Variants in BRCA1 observed in about 807,000 individuals in gnomAD.
BRCA1 encodes the protein BRCA1 DNA repair associated.
BRCA1 carries 140 observed loss-of-function variants against 173.7 expected under a neutral mutation model. That is an observed-to-expected ratio of 0.81 (90% CI 0.70 to 0.93). BRCA1 has a LOEUF of 0.93. BRCA1 is among the 40% of genes least tolerant of loss of function. The pLI is 0.00. For synonymous variants in BRCA1, 662 were observed against 756.0 expected (o/e 0.88, Z 2.04); for missense variants, 1,983 against 2,172.5 (o/e 0.91, Z 1.73).
chr17:43,126,937 C>T (rs1247750449), upstream of BRCA1, among the ~76,000 whole-genome samples: 1 of 152,184 alleles, frequency 6.6e-6, no homozygotes, highest in African/African-American at 2.4e-5. Context: ...ACCCCCGGCC[C>T]CGGGCAGTCA....
intron 22 of BRCA1, among the ~76,000 whole-genome samples, 155 bp downstream of exon 22, chr17:43,047,484 CAAAT>C (rs368080376): frequency 7.0e-4 from 106 of 152,270 alleles, no homozygotes; most frequent in African/African-American, 2.5e-3. Context: ...CAATATAAAA[CAAAT>C]AACAATAAAA....
At chr17:43,119,277 A>G (rs1597916495) in intron 2 of BRCA1, 1 of 51,464 alleles carries the variant, frequency 1.9e-5, no homozygotes, top group South Asian at 9.5e-4. Context: ...TCAAAAAAAG[A>G]AAAAAAAAAA....
At chr17:43,150,243 G>T (rs2056152240) in intron 1 of BRCA1, among the ~76,000 whole-genome samples, 1 of 152,070 alleles carries the variant, frequency 6.6e-6, no homozygotes, top group South Asian at 2.1e-4. Flanking sequence ...CTGAGTAGCT[G>T]GGACTACGGG....
chr17:43,061,432 G>A (rs2051746706), intron 18 of BRCA1, among the ~76,000 whole-genome samples: 1 of 151,982 alleles, frequency 6.6e-6, no homozygotes, highest in African/African-American at 2.4e-5. Flanking sequence ...TCCTACCAGG[G>A]ACTTAGTTAG....
At chr17:43,113,915 A>G (rs575740869) in intron 3 of BRCA1, among the ~76,000 whole-genome samples, 4 of 152,260 alleles carry the variant, frequency 2.6e-5, no homozygotes, top group Admixed American at 6.5e-5. Context: ...TCTCGACTAA[A>G]AATACAAAAA....
intron 1 of BRCA1, among the ~76,000 whole-genome samples, chr17:43,158,553 T>C (rs2056212400): frequency 6.6e-6 from 1 of 152,198 alleles, no homozygotes; most frequent in Non-Finnish European, 1.5e-5. Context: ...CCCTTTTTTA[T>C]TGTGGGTAAG....
At chr17:43,139,925 G>A in intron 1 of BRCA1, 1 of 488,890 alleles carries the variant, frequency 2.0e-6, no homozygotes, top group Non-Finnish European at 4.2e-6. Flanking sequence ...CCTTCACCTT[G>A]GTTCCTGACA....
rs1411246255 is a variant in BRCA1, at chr17:43,051,064, T to A, written c.5331A>T (p.Thr1777=). 1 of 1,613,906 alleles carries A rather than the reference T, an allele frequency of 6.2e-7. No individual in the cohort carries two copies. Among genetic ancestry groups the A allele is most frequent in the Non-Finnish European group, 8.5e-7 (1 of 1,179,818 alleles). The stretch of plus-strand genomic sequence containing the variant: ...TCTGGGGTTCTCCCAGGCTCTTACC[T>A]GTGGGCATGTTGGTGAAGGGCCCAT... ...CCYGPFTNMP[T]DQLEWMVQLC... The change falls in exon 20 of 23, where the codon ACA becomes ACT. Residue 1777 remains threonine (T), a splice_region_variant and synonymous_variant. Coordinates refer to ENST00000357654, the MANE Select transcript of BRCA1 (RefSeq NM_007294.4).
chr17:43,140,851 C>G (rs1354651767), intron 1 of BRCA1, among the ~76,000 whole-genome samples: 1 of 152,226 alleles, frequency 6.6e-6, no homozygotes, highest in Non-Finnish European at 1.5e-5. Context: ...GCCTGACCTT[C>G]CCTCCTCTGA....
At position 43,073,743 on chromosome 17, in the gene BRCA1, T is replaced by C. The variant is rs1199988269; in HGVS notation, c.4675+588A>G. Among the ~76,000 whole-genome samples, 9 of 151,682 alleles carry C rather than the reference T, an allele frequency of 5.9e-5. No homozygotes were observed. The East Asian group carries it at 1.7e-3, about 29-fold the overall frequency. ...TGTCTAACAGTTGAAATAAAATATA[T>C]GTGTGTATATATATATATATATATT... On this transcript the variant is annotated intron_variant, in intron 14 of 22. Coordinates refer to ENST00000357654, the MANE Select transcript of BRCA1 (RefSeq NM_007294.4).
At chr17:43,049,986 G>A in intron 20 of BRCA1, 4 of 398,328 alleles carry the variant, frequency 1.0e-5, no homozygotes, top group Non-Finnish European at 1.8e-5. Flanking sequence ...AAAACACTGA[G>A]AAATCCTTGA....
At chr17:43,116,566 T>C (rs746748977) in intron 2 of BRCA1, among the ~76,000 whole-genome samples, 38 of 152,324 alleles carry the variant, frequency 2.5e-4, no homozygotes, top group Admixed American at 1.5e-3. Flanking sequence ...TAGCCCAGAC[T>C]GGCATGCAAT....
At chr17:43,069,760 G>A (rs2052302968) in intron 15 of BRCA1, among the ~76,000 whole-genome samples, 1 of 152,172 alleles carries the variant, frequency 6.6e-6, no homozygotes, top group African/African-American at 2.4e-5. Context: ...GTTATGCTAA[G>A]TAACTACCTA....
Position 43,125,318 on chromosome 17 carries a change from T to C in BRCA1, c.-67A>G, listed in dbSNP as rs1280398288. 1 of 455,840 alleles carries C rather than the reference T, an allele frequency of 2.2e-6. No homozygotes were observed. The highest frequency in any genetic ancestry group is 4.4e-6 in the Non-Finnish European group (1 of 226,750). 28.2% of individuals were successfully genotyped at this position (455,840 alleles called of 1,614,324 possible). A position where few individuals can be genotyped will look rare whatever the true frequency, so the allele number is the denominator to read the frequency against. ...AGGCCTCCTGAGCGCAGGGGCCCAG[T>C]TATCTGAGAAACCCCACAGCCTGTC... On this transcript the variant is annotated 5_prime_UTR_variant, in exon 1 of 23. Coordinates refer to ENST00000357654, the MANE Select transcript of BRCA1 (RefSeq NM_007294.4).
At chr17:43,125,090 C>A in intron 1 of BRCA1, 181 bp downstream of exon 1, 1 of 449,306 alleles carries the variant, frequency 2.2e-6, no homozygotes, top group South Asian at 1.6e-5. Flanking sequence ...ATCCTCAGCG[C>A]TTCCCTCGCG....
Position 43,049,148 on chromosome 17 carries a change from C to T in BRCA1, c.5379G>A (p.Lys1793=), listed in dbSNP as rs1367255905. ...TGCCAAGGGTGAATGATGAAAGCTCCTTCACCACAGAAGCACCACACAGCT... is the reference window on the plus strand; with the variant it reads ...TGCCAAGGGTGAATGATGAAAGCTCTTTCACCACAGAAGCACCACACAGCT... The part of the protein sequence containing the change: ...MVQLCGASVV[K]ELSSFTLGTG... The change falls in exon 21 of 23, where the codon AAG becomes AAA. Residue 1793 remains lysine (K), a synonymous_variant. Transcript: ENST00000357654. 6.2e-7 allele frequency: 1 copy of T among 1,614,008 alleles called. No homozygotes were observed. The highest frequency in any genetic ancestry group is 2.2e-5 in the East Asian group (1 of 44,898).
intron 6 of BRCA1, among the ~76,000 whole-genome samples, chr17:43,102,520 C>A (rs2054532811): frequency 6.6e-6 from 1 of 151,576 alleles, no homozygotes; most frequent in Non-Finnish European, 1.5e-5. Flanking sequence ...CCACACCCAG[C>A]TAATTTTTGT....
chr17:43,092,620 GTTTA>G lies in BRCA1; in HGVS notation c.2907_2910del (p.Lys970MetfsTer29). The G allele has an allele frequency of 6.2e-7, 1 of 1,614,044 alleles. No individual in the cohort carries two copies. Among genetic ancestry groups the G allele is most frequent in the Non-Finnish European group, 8.5e-7 (1 of 1,179,996 alleles). On this transcript the variant is annotated frameshift_variant, in exon 10 of 23. Transcript: ENST00000357654. LOFTEE classifies it high-confidence loss of function. ...CGATATGGGTTTTGTAAAAGTCCAT[GTTTA>G]TTTGGAGTAATGAGTCCAGTTTCGT...
At chr17:43,152,489 G>C (rs1233869599) in intron 1 of BRCA1, among the ~76,000 whole-genome samples, 1 of 152,270 alleles carries the variant, frequency 6.6e-6, no homozygotes, top group African/African-American at 2.4e-5. Flanking sequence ...GGGAGGCTGA[G>C]GTGGGTGGAT....
Sources: gnomAD v4.1 joint callset for allele counts (sites outside exome capture counted in the v4.1 genomes callset) on GRCh38, gnomAD v4.1.1 for gene constraint, MANE v1.5 for transcripts, NCBI Gene and HGNC (gene_info 2026-07-23, HGNC 2026-07-21) for gene names.